Variants in PCDHA13 observed in about 807,000 individuals in gnomAD.
PCDHA13 encodes the protein protocadherin alpha 13.
PCDHA13 carries 54 observed loss-of-function variants against 64.8 expected under a neutral mutation model. The ratio of observed to expected loss-of-function variants is 0.83; its 90% confidence interval spans 0.67 to 1.04. PCDHA13 has a LOEUF of 1.04. PCDHA13 is among the 50% of genes least tolerant of loss of function. PCDHA13 has a pLI of 0.00. For synonymous variants in PCDHA13, 587 were observed against 564.4 expected, an observed-to-expected ratio of 1.04 and a Z score of -0.57; for missense variants, 1,248 against 1,254.3, an observed-to-expected ratio of 0.99 and a Z score of 0.08.
intron 1 of PCDHA13, chr5:140,966,927 C>T (rs1434590204): frequency 1.2e-6 from 2 of 1,603,398 alleles, no homozygotes; most frequent in Admixed American, 1.7e-5. Flanking sequence ...GAGCAGGCAC[C>T]CGGCGCGCTC....
chr5:140,980,359 C>T (rs369647369), intron 2 of PCDHA13, among the ~76,000 whole-genome samples: 1 of 152,114 alleles, frequency 6.6e-6, no homozygotes. Context: ...GGACTGGGCG[C>T]GGTGGCTCAC....
intron 3 of PCDHA13, among the ~76,000 whole-genome samples, chr5:140,999,140 G>A (rs1473682487): frequency 6.6e-6 from 1 of 152,164 alleles, no homozygotes; most frequent in African/African-American, 2.4e-5. Context: ...TGTCACAGCC[G>A]GAAGTCTTCA....
intron 1 of PCDHA13, among the ~76,000 whole-genome samples, chr5:140,948,708 C>A (rs1376587735): frequency 6.6e-6 from 1 of 151,114 alleles, no homozygotes; most frequent in Non-Finnish European, 1.5e-5. Flanking sequence ...TGTGTTCTAT[C>A]CTCTTTTTTA....
At chr5:140,959,570 T>C (rs1324858058) in intron 1 of PCDHA13, among the ~76,000 whole-genome samples, 1 of 152,184 alleles carries the variant, frequency 6.6e-6, no homozygotes. Context: ...ACTAGATTTT[T>C]TGTTTCAATT....
At chr5:140,979,109 G>A (rs979649515) in intron 2 of PCDHA13, 102 bp downstream of exon 2, 1 of 1,524,682 alleles carries the variant, frequency 6.6e-7, no homozygotes, top group Admixed American at 2.3e-5. Context: ...AAACTAAAAA[G>A]CTTTAGGTAC....
At chr5:140,987,227 A>T (rs1410526870) in intron 3 of PCDHA13, among the ~76,000 whole-genome samples, 2 of 151,696 alleles carry the variant, frequency 1.3e-5, no homozygotes, top group African/African-American at 4.8e-5. Context: ...AAAAAAAAAA[A>T]TAATAAATAA....
intron 1 of PCDHA13, among the ~76,000 whole-genome samples, chr5:140,935,116 C>T (rs2090194943): frequency 6.6e-6 from 1 of 152,126 alleles, no homozygotes; most frequent in Non-Finnish European, 1.5e-5. Flanking sequence ...AGAGCTTTCA[C>T]TTATTTTTAG....
chr5:140,918,706 G>A (rs528090085), intron 1 of PCDHA13, among the ~76,000 whole-genome samples: 10 of 152,108 alleles, frequency 6.6e-5, no homozygotes, highest in Non-Finnish European at 1.5e-4. Context: ...AGTCATGAGG[G>A]CAGAGCCCTC....
intron 3 of PCDHA13, among the ~76,000 whole-genome samples, chr5:141,007,801 G>A (rs559830556): frequency 2.6e-5 from 4 of 152,148 alleles, no homozygotes; most frequent in African/African-American, 7.2e-5. Flanking sequence ...GCCTTTATCT[G>A]CCATTCATTT....
At chr5:140,926,864 T>C in intron 1 of PCDHA13, 1 of 1,522,480 alleles carries the variant, frequency 6.6e-7, no homozygotes, top group South Asian at 1.3e-5. Flanking sequence ...GTGTAGCGTG[T>C]TGGTGGAACG....
At chr5:140,884,706 C>T (rs1554181856) in intron 1 of PCDHA13, 44 bp downstream of exon 1, 3 of 1,489,002 alleles carry the variant, frequency 2.0e-6, no homozygotes, top group Non-Finnish European at 8.9e-7. Flanking sequence ...ACACTTTAGC[C>T]TTCCTTGCAG....
At position 140,992,285 on chromosome 5, in the gene PCDHA13, A is replaced by G. The variant is rs114469876; in HGVS notation, c.2542+9722A>G. On this transcript the variant is annotated intron_variant, in intron 3 of 3. Transcript: ENST00000289272. ...AGTTCTTTTCGTAGCACATCCCTGCAAAGGATGGGAGTATTGTTTTGGTGG... is the reference window on the plus strand; with the variant it reads ...AGTTCTTTTCGTAGCACATCCCTGCGAAGGATGGGAGTATTGTTTTGGTGG... 2.6e-3 allele frequency among the ~76,000 whole-genome samples: 395 copies of G among 152,336 alleles called. 1 individual carries two copies. The highest frequency in any genetic ancestry group is 8.7e-3 in the African/African-American group (360 of 41,578).
intron 1 of PCDHA13, among the ~76,000 whole-genome samples, chr5:140,946,628 A>ATATATATATATATATATATATATATATC (rs2093986423): frequency 7.4e-6 from 1 of 134,528 alleles, no homozygotes; most frequent in Non-Finnish European, 1.6e-5. Context: ...ATATATATAT[A>ATATATATATATATATATATATATATATC]TATACAATGG....
At chr5:140,911,437 G>A (rs530362672) in intron 1 of PCDHA13, among the ~76,000 whole-genome samples, 3 of 152,166 alleles carry the variant, frequency 2.0e-5, no homozygotes, top group East Asian at 3.9e-4. Context: ...CCAATTTCCC[G>A]CAATTTCAGC....
intron 1 of PCDHA13, among the ~76,000 whole-genome samples, chr5:140,907,040 G>A (rs781947448): frequency 1.4e-4 from 21 of 152,290 alleles, no homozygotes; most frequent in Non-Finnish European, 2.4e-4. Context: ...ATGTCACAGG[G>A]ACAGTAAGCA....
In PCDHA13 at chr5:140,929,213, A is replaced by T. The variant is rs199608631; in HGVS notation, c.2394+44551A>T. On this transcript the variant is annotated intron_variant, in intron 1 of 3. Coordinates refer to ENST00000289272, the MANE Select transcript of PCDHA13 (RefSeq NM_018904.3). ...AATAACAGTTTGCTGTTGCGTGGGG[A>T]GTACAATGCTGCCGACCTGCGAAAT... 3 of 1,614,052 alleles carry T rather than the reference A, an allele frequency of 1.9e-6. No homozygotes were observed. The East Asian group carries it at 6.7e-5, about 36-fold the overall frequency.
intron 1 of PCDHA13, among the ~76,000 whole-genome samples, chr5:140,901,870 TTTC>T (rs2068953949): frequency 6.6e-6 from 1 of 152,202 alleles, no homozygotes. Flanking sequence ...TCCTCTTCAA[TTTC>T]TTTCATCAGC....
At chr5:140,924,872 G>C (rs1161649938) in intron 1 of PCDHA13, among the ~76,000 whole-genome samples, 1 of 149,350 alleles carries the variant, frequency 6.7e-6, no homozygotes, top group Non-Finnish European at 1.5e-5. Context: ...TCCAGCCTGG[G>C]TGACAGAGCA....
chr5:140,970,774 A>G (rs1554232727), intron 1 of PCDHA13, among the ~76,000 whole-genome samples: 2 of 152,218 alleles, frequency 1.3e-5, no homozygotes, highest in Admixed American at 1.3e-4. Context: ...TGCTGTACAT[A>G]CATATTGTAT....
Sources: allele counts gnomAD v4.1 joint callset (sites outside exome capture counted in the v4.1 genomes callset), GRCh38; gene constraint gnomAD v4.1.1; transcripts MANE v1.5; gene names NCBI Gene and HGNC (gene_info 2026-07-23, HGNC 2026-07-21).